The following CAB39L variants were observed in gnomAD, a reference collection of about 807,000 sequenced individuals.
The protein encoded by CAB39L is calcium binding protein 39 like.
Under a neutral mutation model 39.1 loss-of-function variants are expected in CAB39L, and 23 were observed. That is an observed-to-expected ratio of 0.59 (90% CI 0.42 to 0.83). The LOEUF (loss-of-function observed/expected upper bound fraction) is 0.83, where lower values mean the gene tolerates loss of function less well. CAB39L is among the 40% of genes least tolerant of loss of function. The pLI is 0.00. For missense variants in CAB39L, 366 were observed against 391.9 expected, an observed-to-expected ratio of 0.93 and a Z score of 0.56; for synonymous variants, 126 against 137.2, an observed-to-expected ratio of 0.92 and a Z score of 0.57.
intron 10 of CAB39L, among the ~76,000 whole-genome samples, chr13:49,324,304 G>A (rs992536395): frequency 2.6e-5 from 4 of 151,914 alleles, no homozygotes; most frequent in African/African-American, 4.8e-5. Flanking sequence ...GTGACAGAGC[G>A]AGACTCTGTC....
chr13:49,352,928 T>A (rs920474188), intron 6 of CAB39L, among the ~76,000 whole-genome samples: 3 of 152,192 alleles, frequency 2.0e-5, no homozygotes, highest in African/African-American at 4.8e-5. Flanking sequence ...TTTATAAGAT[T>A]ATAGAATTTT....
chr13:49,391,988 T>C (rs1956497953), intron 3 of CAB39L, among the ~76,000 whole-genome samples: 1 of 151,806 alleles, frequency 6.6e-6, no homozygotes, highest in South Asian at 2.1e-4. Context: ...CTCTAAATTC[T>C]GCAAGAGCCA....
intron 8 of CAB39L, among the ~76,000 whole-genome samples, chr13:49,343,621 AGAGAGGAGAGAG>A (rs1480047942): frequency 6.6e-6 from 1 of 151,760 alleles, no homozygotes; most frequent in Admixed American, 6.6e-5. Context: ...GAGGGAGAAG[AGAGAGGAGAGAG>A]GAGAGGGGAG....
rs569964331 is a variant in CAB39L at position 49,342,324 on chromosome 13, GTAATT to G, written c.624+1850_624+1854del. On this transcript the variant is annotated intron_variant, in intron 8 of 10. Coordinates refer to ENST00000409308, the MANE Select transcript of CAB39L (RefSeq NM_001079670.3). Reference sequence around the variant, plus strand: ...AATGTACTTCTTTTTGTAAGCACATGTAATTTAATTTAATACTAAAGATTTCAATC... The same window carrying G: ...AATGTACTTCTTTTTGTAAGCACATGTAATTTAATACTAAAGATTTCAATC... Among the ~76,000 whole-genome samples, 127 of 152,202 alleles carry G rather than the reference GTAATT, an allele frequency of 8.3e-4. 2 individuals are homozygous for G. The highest frequency in any genetic ancestry group is 4.2e-3 in the Admixed American group (65 of 15,296).
chr13:49,414,736 C>A (rs1374386204), intron 3 of CAB39L, among the ~76,000 whole-genome samples: 1 of 151,996 alleles, frequency 6.6e-6, no homozygotes, highest in African/African-American at 2.4e-5. Flanking sequence ...GGAAATACAA[C>A]AAAATTTTAA....
intron 6 of CAB39L, among the ~76,000 whole-genome samples, chr13:49,352,758 A>G (rs1955390979): frequency 6.6e-6 from 1 of 152,148 alleles, no homozygotes; most frequent in Non-Finnish European, 1.5e-5. Context: ...AAAATAAAAT[A>G]AAATAAAATC....
chr13:49,351,161 G>C, intron 6 of CAB39L: 1 of 312,422 alleles, frequency 3.2e-6, no homozygotes, highest in Non-Finnish European at 5.8e-6. Flanking sequence ...GGGGTGGGGG[G>C]ATGAGGCAGA....
chr13:49,441,221 G>GTATATA (rs59783079), intron 1 of CAB39L, among the ~76,000 whole-genome samples: 1,546 of 121,430 alleles, frequency 0.013, 45 homozygotes, highest in African/African-American at 0.038. Context: ...ATGATTTAGT[G>GTATATA]TATATATATA....
Position 49,350,770 on chromosome 13 carries a change from C to A in CAB39L, c.538G>T (p.Ala180Ser). ...TTGAAAGTAGCAAAGGCATCTGAAGCAATATCAAATGTTGACAACTCCACG... is the reference window on the plus strand; with the variant it reads ...TTGAAAGTAGCAAAGGCATCTGAAGAAATATCAAATGTTGACAACTCCACG... ...KYVELSTFDI[A>S]SDAFATFKDL... Residue 180 changes from alanine (A) to serine (S), a missense_variant, in exon 7 of 11, where the codon GCT (alanine) becomes TCT (serine). By Grantham distance (99) the Ala-to-Ser change is moderately conservative (BLOSUM62 1). Transcript: ENST00000409308. 2 of 1,574,830 alleles carry A rather than the reference C, an allele frequency of 1.3e-6. No individual in the cohort carries two copies. Among genetic ancestry groups the A allele is most frequent in the South Asian group, 1.2e-5 (1 of 83,604 alleles).
chr13:49,401,895 C>T (rs962488060), intron 3 of CAB39L, among the ~76,000 whole-genome samples: 2 of 152,138 alleles, frequency 1.3e-5, no homozygotes, highest in Admixed American at 6.5e-5. Context: ...AGTAAACACA[C>T]AAGTACTTGT....
intron 1 of CAB39L, among the ~76,000 whole-genome samples, chr13:49,436,460 T>C (rs1957415881): frequency 6.6e-6 from 1 of 152,030 alleles, no homozygotes; most frequent in Non-Finnish European, 1.5e-5. Flanking sequence ...TTCATTATCT[T>C]GGTTGTTTTC....
intron 5 of CAB39L, among the ~76,000 whole-genome samples, chr13:49,375,041 A>G (rs1956017407): frequency 6.6e-6 from 1 of 152,214 alleles, no homozygotes; most frequent in Admixed American, 6.5e-5. Context: ...GGGTTATAAC[A>G]AAAACAAACC....
intron 3 of CAB39L, among the ~76,000 whole-genome samples, chr13:49,389,512 G>T (rs1332548429): frequency 6.6e-6 from 1 of 151,882 alleles, no homozygotes; most frequent in East Asian, 1.9e-4. Context: ...GTGGTGGCAG[G>T]CACCTATACT....
chr13:49,328,045 G>A (rs1220620838), intron 10 of CAB39L, among the ~76,000 whole-genome samples: 1 of 152,196 alleles, frequency 6.6e-6, no homozygotes, highest in East Asian at 1.9e-4. Flanking sequence ...CTGCTTCCAA[G>A]CACCTATCAA....
chr13:49,397,434 A>G (rs1181094397), intron 3 of CAB39L, among the ~76,000 whole-genome samples: 1 of 152,276 alleles, frequency 6.6e-6, no homozygotes, highest in South Asian at 2.1e-4. Context: ...TCAGACTTAC[A>G]TCAGAAGAAA....
At chr13:49,367,213 T>C (rs1230260810) in intron 5 of CAB39L, among the ~76,000 whole-genome samples, 1 of 152,034 alleles carries the variant, frequency 6.6e-6, no homozygotes. Context: ...CTAAAAGACA[T>C]GAAGACACAT....
chr13:49,361,477 C>CAAAAAAA (rs33984866), intron 5 of CAB39L, among the ~76,000 whole-genome samples: 30 of 54,446 alleles, frequency 5.5e-4, no homozygotes, highest in Non-Finnish European at 7.6e-4. Flanking sequence ...GACTTCATCT[C>CAAAAAAA]AAAAAAAAAA....
intron 3 of CAB39L, among the ~76,000 whole-genome samples, chr13:49,386,851 C>T (rs983892552): frequency 1.3e-5 from 2 of 151,572 alleles, no homozygotes; most frequent in Non-Finnish European, 2.9e-5. Context: ...CCAGACTAAA[C>T]ACCTCCCCCA....
intron 3 of CAB39L, among the ~76,000 whole-genome samples, chr13:49,415,132 G>A (rs1008891586): frequency 2.0e-5 from 3 of 152,026 alleles, no homozygotes; most frequent in African/African-American, 4.8e-5. Flanking sequence ...GGGAAGTCGA[G>A]GCTGCAGTTA....
Sources: gnomAD v4.1 joint callset for allele counts (sites outside exome capture counted in the v4.1 genomes callset) on GRCh38, gnomAD v4.1.1 for gene constraint, MANE v1.5 for transcripts, NCBI Gene and HGNC (gene_info 2026-07-23, HGNC 2026-07-21) for gene names.